ROCK2: variants seen among roughly 807,000 people sequenced by gnomAD.
ROCK2 encodes the protein Rho associated coiled-coil containing protein kinase 2.
Under a neutral mutation model 195.1 loss-of-function variants are expected in ROCK2, and 61 were observed. That is an observed-to-expected ratio of 0.31 (90% confidence interval 0.25 to 0.39). The LOEUF (loss-of-function observed/expected upper bound fraction) is 0.39. Among genes scored for constraint, ROCK2 ranks in the 10% least tolerant of loss-of-function variants. ROCK2 has a pLI of 1.00. For missense variants in ROCK2, 1,109 were observed against 1,637.4 expected, an observed-to-expected ratio of 0.68 and a Z score of 5.57; for synonymous variants, 504 against 545.5, an observed-to-expected ratio of 0.92 and a Z score of 1.06.
chr2:11,201,725 T>C lies in ROCK2; in HGVS notation c.2620-312A>G, dbSNP rs148804946. Among the ~76,000 whole-genome samples, 465 of 152,316 alleles carry C rather than the reference T, an allele frequency of 3.1e-3. 2 individuals carry two copies. Among genetic ancestry groups the C allele is most frequent in the African/African-American group, 9.9e-3 (412 of 41,578 alleles). ...TAACAATTTAGACAAAAAAATGTTA[T>C]TGGCTTAAATCAATAAAACAGGAGT... On this transcript the variant is annotated intron_variant, in intron 21 of 32. Coordinates refer to ENST00000315872, the MANE Select transcript of ROCK2 (RefSeq NM_004850.5). The surrounding 1 kb of genome is among the most constrained non-coding windows in gnomAD (Gnocchi z 4.6).
intron 1 of ROCK2, chr2:11,308,021 A>C (rs1342015237): frequency 6.4e-7 from 1 of 1,564,898 alleles, no homozygotes; most frequent in African/African-American, 1.4e-5. Flanking sequence ...GGTGGGGACC[A>C]GCCATGTCAG....
intron 1 of ROCK2, among the ~76,000 whole-genome samples, chr2:11,330,759 AG>A (rs1668700997): frequency 1.4e-5 from 1 of 71,604 alleles, no homozygotes; most frequent in Non-Finnish European, 2.7e-5. Flanking sequence ...GAGGAGGAGG[AG>A]GGAGGAGGAG....
At position 11,344,222 on chromosome 2, in the gene ROCK2, C is replaced by G; in HGVS notation, c.-86G>C. The G allele has an allele frequency of 7.5e-7, 1 of 1,324,918 alleles. No individual in the cohort carries two copies. Among genetic ancestry groups the G allele is most frequent in the Non-Finnish European group, 9.6e-7 (1 of 1,041,344 alleles). 82.1% of individuals were successfully genotyped at this position (1,324,918 alleles called of 1,614,324 possible). A position where few individuals can be genotyped will look rare whatever the true frequency, so the allele number is the denominator to read the frequency against. On this transcript the variant is annotated 5_prime_UTR_variant, in exon 1 of 33. Transcript: ENST00000315872. This position sits in a 1 kb window ranked among gnomAD's most constrained non-coding sequence, Gnocchi z 5.4. ...TAGCACCGCCCCCGAACCACCAGCT[C>G]CGGCCGGGACTCCACCCGGGCCCAC...
chr2:11,188,040 T>TA (rs1046457484), intron 32 of ROCK2, among the ~76,000 whole-genome samples: 6 of 151,504 alleles, frequency 4.0e-5, no homozygotes, highest in African/African-American at 9.7e-5. Context: ...AATACTGCGT[T>TA]AAAAAAAATC....
At chr2:11,237,284 T>C (rs1665245324) in intron 4 of ROCK2, among the ~76,000 whole-genome samples, 1 of 152,160 alleles carries the variant, frequency 6.6e-6, no homozygotes, top group Non-Finnish European at 1.5e-5. Flanking sequence ...TGACTGATGA[T>C]AGACAAACAT....
At chr2:11,293,248 T>C (rs537019804) in intron 1 of ROCK2, among the ~76,000 whole-genome samples, 1 of 152,316 alleles carries the variant, frequency 6.6e-6, no homozygotes, top group South Asian at 2.1e-4. Context: ...GTCAACTTAA[T>C]TGAGGACTGA....
At chr2:11,189,551 T>C (rs1663335331) in intron 32 of ROCK2, among the ~76,000 whole-genome samples, 1 of 152,224 alleles carries the variant, frequency 6.6e-6, no homozygotes, top group African/African-American at 2.4e-5. Context: ...CACTTTCAAA[T>C]AATGTCTTTA....
chr2:11,322,614 CTATT>C (rs1233897809), intron 1 of ROCK2, among the ~76,000 whole-genome samples: 1 of 152,108 alleles, frequency 6.6e-6, no homozygotes, highest in Non-Finnish European at 1.5e-5. Context: ...TTATACTACT[CTATT>C]TATAGCTCTT....
chr2:11,223,367 G>A (rs899209204), intron 7 of ROCK2, among the ~76,000 whole-genome samples: 2 of 152,096 alleles, frequency 1.3e-5, no homozygotes, highest in Admixed American at 6.6e-5. Flanking sequence ...TAACTTCTCT[G>A]GGGATCAATT....
intron 5 of ROCK2, among the ~76,000 whole-genome samples, chr2:11,229,679 G>C (rs1664935897): frequency 6.7e-6 from 1 of 148,234 alleles, no homozygotes; most frequent in African/African-American, 2.5e-5. Context: ...AACCACATTA[G>C]AGAAGGTAGA....
At chr2:11,249,828 T>C in intron 3 of ROCK2, 30 bp from the exon 4 acceptor site, 2 of 1,435,042 alleles carry the variant, frequency 1.4e-6, no homozygotes, top group Non-Finnish European at 1.8e-6. Context: ...CAAAAATTAA[T>C]ACTTTCATGT....
At chr2:11,198,076 A>C (rs959739248) in intron 25 of ROCK2, among the ~76,000 whole-genome samples, 4 of 152,192 alleles carry the variant, frequency 2.6e-5, no homozygotes, top group African/African-American at 9.7e-5. Context: ...CAAATTAATA[A>C]AATATTCTAT....
intron 4 of ROCK2, among the ~76,000 whole-genome samples, chr2:11,239,521 T>C (rs771327331): frequency 1.3e-5 from 2 of 152,202 alleles, no homozygotes; most frequent in African/African-American, 2.4e-5. Flanking sequence ...TCCACGCCTA[T>C]GTACCTACCT....
At chr2:11,343,871 G>A (rs966367599) in intron 1 of ROCK2, 125 bp downstream of exon 1, 32 of 1,251,336 alleles carry the variant, frequency 2.6e-5, no homozygotes, top group Middle Eastern at 2.5e-4. Flanking sequence ...CCCGGCTGCC[G>A]GAAGCAGGGC....
intron 7 of ROCK2, among the ~76,000 whole-genome samples, chr2:11,224,039 CG>C (rs753037666): frequency 9.9e-5 from 15 of 152,080 alleles, no homozygotes; most frequent in Non-Finnish European, 4.4e-5. Context: ...GTGAACAACA[CG>C]AAAGTTTTAT....
Position 11,201,477 on chromosome 2 carries a change from G to A in ROCK2, c.2620-64C>T. 1.1e-6 allele frequency: 1 copy of A among 896,682 alleles called. No homozygotes were observed. Among genetic ancestry groups the A allele is most frequent in the Non-Finnish European group, 1.8e-6 (1 of 549,618 alleles). 55.5% of individuals were successfully genotyped at this position (896,682 alleles called of 1,614,324 possible). ...AGAAATATTACTTCTACATTCAAAA[G>A]CTATTCAGACAAAAAGGAGAATGAA... On this transcript the variant is annotated intron_variant, in intron 21 of 32. Transcript: ENST00000315872. This position sits in a 1 kb window ranked among gnomAD's most constrained non-coding sequence, Gnocchi z 4.6.
rs530223931 is a variant in ROCK2 at position 11,329,363 on chromosome 2, AAAG to A, written c.141+14630_141+14632del. ...GAGTCAAACTGAGTAGTTCTGTTTA[AAAG>A]AAGGGGAAAGCACATTAAAACACTA... On this transcript the variant is annotated intron_variant, in intron 1 of 32. Transcript: ENST00000315872. 2.1e-3 allele frequency among the ~76,000 whole-genome samples: 320 copies of A among 152,110 alleles called. 5 individuals are homozygous for A. The highest frequency in any genetic ancestry group is 1.2e-3 in the Non-Finnish European group (81 of 67,968).
chr2:11,246,742 C>T (rs2148122771), intron 4 of ROCK2, among the ~76,000 whole-genome samples: 1 of 151,990 alleles, frequency 6.6e-6, no homozygotes, highest in African/African-American at 2.4e-5. Context: ...GGTATTAATA[C>T]AATTAAATAT....
intron 3 of ROCK2, among the ~76,000 whole-genome samples, chr2:11,284,486 G>A (rs537805091): frequency 2.2e-4 from 34 of 152,220 alleles, no homozygotes; most frequent in African/African-American, 7.5e-4. Context: ...CTATGCACAC[G>A]TTGGGGCAAG....
Sources: allele counts gnomAD v4.1 joint callset (sites outside exome capture counted in the v4.1 genomes callset), GRCh38; gene constraint gnomAD v4.1.1; non-coding constraint Gnocchi (gnomAD v3.1); transcripts MANE v1.5; gene names NCBI Gene and HGNC (gene_info 2026-07-23, HGNC 2026-07-21).